GPC5: variants seen among roughly 807,000 people sequenced by gnomAD.
The protein encoded by GPC5 is glypican-5.
A neutral mutation model predicts 53.9 loss-of-function variants in GPC5; 47 were observed. The observed-to-expected ratio is 0.87, with a 90% CI of 0.69 to 1.11. The LOEUF (loss-of-function observed/expected upper bound fraction) is 1.11, where lower values mean the gene tolerates loss of function less well. GPC5 is among the 50% of genes most tolerant of loss of function. The pLI, the probability that GPC5 is intolerant of heterozygous loss-of-function variation, is 0.00. For missense variants in GPC5, 748 were observed against 713.1 expected, an observed-to-expected ratio of 1.05 and a Z score of -0.56; for synonymous variants, 286 against 263.3, an observed-to-expected ratio of 1.09 and a Z score of -0.84.
chr13:91,547,201 G>A (rs962074688), intron 2 of GPC5, among the ~76,000 whole-genome samples: 2 of 152,086 alleles, frequency 1.3e-5, no homozygotes, highest in Non-Finnish European at 2.9e-5. Flanking sequence ...AACTAGAGAT[G>A]TTCAGAAGAT....
At chr13:91,517,789 G>C (rs888293387) in intron 2 of GPC5, among the ~76,000 whole-genome samples, 1 of 152,214 alleles carries the variant, frequency 6.6e-6, no homozygotes, top group Admixed American at 6.5e-5. Context: ...CATGGCAGGA[G>C]GCGAAAGGCA....
intron 6 of GPC5, among the ~76,000 whole-genome samples, chr13:91,964,116 T>C (rs1054273665): frequency 6.6e-6 from 1 of 152,168 alleles, no homozygotes; most frequent in Non-Finnish European, 1.5e-5. Flanking sequence ...TTCAGAGGTC[T>C]CCAGAGTTTC....
rs550844707 is a variant in GPC5, at chr13:92,296,598, G to A, written c.1561+151609G>A. Among the ~76,000 whole-genome samples, 3 of 152,252 alleles carry A rather than the reference G, an allele frequency of 2.0e-5. No homozygotes were observed. In the South Asian group the frequency reaches 6.2e-4, roughly 32 times the overall value. On this transcript the variant is annotated intron_variant, in intron 7 of 7. Coordinates refer to ENST00000377067, the MANE Select transcript of GPC5 (RefSeq NM_004466.6). ...GAGCCCTTCAGCCCCCTACTGCACT[G>A]TGGGAGCCCCTTTCTGGGCTGGCCA...
intron 2 of GPC5, among the ~76,000 whole-genome samples, chr13:91,561,907 T>C (rs1315840473): frequency 6.6e-6 from 1 of 152,130 alleles, no homozygotes; most frequent in Non-Finnish European, 1.5e-5. Flanking sequence ...GCAAGACCAA[T>C]TTGCAAGTTA....
chr13:91,693,996 T>C, intron 3 of GPC5, 115 bp downstream of exon 3: 1 of 775,668 alleles, frequency 1.3e-6, no homozygotes, highest in Non-Finnish European at 2.0e-6. Context: ...TCCAAGATAT[T>C]ATTTTTTTAT....
At chr13:92,489,464 T>C (rs906647064) in intron 7 of GPC5, among the ~76,000 whole-genome samples, 3 of 152,092 alleles carry the variant, frequency 2.0e-5, no homozygotes, top group African/African-American at 7.2e-5. Context: ...GCAAGGTAAT[T>C]TGCATAAAAA....
At chr13:92,065,430 G>T (rs1029027186) in intron 6 of GPC5, among the ~76,000 whole-genome samples, 7 of 152,054 alleles carry the variant, frequency 4.6e-5, no homozygotes, top group South Asian at 2.1e-4. Context: ...GAAATAATTG[G>T]TTTTTTAAAA....
chr13:92,563,121 A>G (rs1735039232), intron 7 of GPC5, among the ~76,000 whole-genome samples: 1 of 152,036 alleles, frequency 6.6e-6, no homozygotes, highest in African/African-American at 2.4e-5. Flanking sequence ...GACCCAGCAT[A>G]TAGCCAGTAA....
chr13:91,649,903 A>G (rs1225072795), intron 2 of GPC5, among the ~76,000 whole-genome samples: 1 of 152,226 alleles, frequency 6.6e-6, no homozygotes, highest in Non-Finnish European at 1.5e-5. Flanking sequence ...GTTCAAATTT[A>G]TAAAATACAT....
chr13:92,423,871 G>A lies in GPC5; in HGVS notation c.1561+278882G>A, dbSNP rs75953838. 4.4e-3 allele frequency among the ~76,000 whole-genome samples: 670 copies of A among 152,194 alleles called. 3 individuals carry two copies. The highest frequency in any genetic ancestry group is 0.015 in the African/African-American group (618 of 41,534). The stretch of plus-strand genomic sequence containing the variant: ...ACAGCATGCTTTTAATGCATACTAC[G>A]CAGACTCAGTATCAGAGCCGCGTTA... On this transcript the variant is annotated intron_variant, in intron 7 of 7. Transcript: ENST00000377067.
chr13:92,609,919 T>C (rs1884376426), intron 7 of GPC5, among the ~76,000 whole-genome samples: 1 of 149,858 alleles, frequency 6.7e-6, no homozygotes, highest in Non-Finnish European at 1.5e-5. Context: ...TAATCCCAGC[T>C]CCTCTGGAGG....
chr13:91,626,563 C>G (rs1188281013), intron 2 of GPC5, among the ~76,000 whole-genome samples: 3 of 152,008 alleles, frequency 2.0e-5, no homozygotes, highest in African/African-American at 7.2e-5. Context: ...CTGCCTTTGC[C>G]CTGTCCAGTT....
chr13:91,665,141 A>G lies in GPC5; in HGVS notation c.326-28046A>G, dbSNP rs1375584487. Among the ~76,000 whole-genome samples, 28 of 152,252 alleles carry G rather than the reference A, an allele frequency of 1.8e-4. 1 individual carries two copies. Among genetic ancestry groups the G allele is most frequent in the Admixed American group, 1.8e-3 (28 of 15,286 alleles). Reference sequence around the variant, plus strand: ...CTAAAGAGAAGCATCTGGCAGAATCATATAACTTACTGTAGCATAACATTT... The same window carrying G: ...CTAAAGAGAAGCATCTGGCAGAATCGTATAACTTACTGTAGCATAACATTT... On this transcript the variant is annotated intron_variant, in intron 2 of 7. Transcript: ENST00000377067.
intron 2 of GPC5, among the ~76,000 whole-genome samples, chr13:91,664,937 A>C (rs1005536795): frequency 3.9e-5 from 6 of 152,218 alleles, no homozygotes; most frequent in African/African-American, 1.4e-4. Context: ...CTTCATTCTC[A>C]TATTATGCAT....
At chr13:91,715,538 G>A (rs1000940180) in intron 3 of GPC5, among the ~76,000 whole-genome samples, 5 of 152,050 alleles carry the variant, frequency 3.3e-5, no homozygotes, top group South Asian at 4.2e-4. Flanking sequence ...GTGAGGATAA[G>A]GTTATAGAAG....
At chr13:92,399,510 C>G (rs528951165) in intron 7 of GPC5, among the ~76,000 whole-genome samples, 27 of 152,212 alleles carry the variant, frequency 1.8e-4, no homozygotes, top group African/African-American at 6.5e-4. Context: ...CCTATTTACC[C>G]CCAGCCACCT....
rs565467558 is a variant in GPC5 at position 92,782,774 on chromosome 13, A to T, written c.1562-83508A>T. ...TTCAGACACTTATGTAATAGCCATA[A>T]GACACTATGGACTGCATATTAAACG... On this transcript the variant is annotated intron_variant, in intron 7 of 7. Coordinates refer to ENST00000377067, the MANE Select transcript of GPC5 (RefSeq NM_004466.6). 1.6e-4 allele frequency among the ~76,000 whole-genome samples: 24 copies of T among 152,298 alleles called. No individual in the cohort carries two copies. In the East Asian group the frequency reaches 3.9e-3, roughly 24 times the overall value.
intron 7 of GPC5, among the ~76,000 whole-genome samples, chr13:92,675,936 C>A (rs577278476): frequency 1.2e-4 from 19 of 152,232 alleles, no homozygotes; most frequent in African/African-American, 4.1e-4. Flanking sequence ...TATGTGGTCT[C>A]AATATTATTT....
chr13:92,523,885 C>A (rs1225054669), intron 7 of GPC5, among the ~76,000 whole-genome samples: 2 of 151,962 alleles, frequency 1.3e-5, no homozygotes. Context: ...GTGTGCGATA[C>A]CATTTTGTCT....
Sources: gnomAD v4.1 joint callset for allele counts (sites outside exome capture counted in the v4.1 genomes callset) on GRCh38, gnomAD v4.1.1 for gene constraint, MANE v1.5 for transcripts, NCBI Gene and HGNC (gene_info 2026-07-23, HGNC 2026-07-21) for gene names.